The following DIP2B variants were observed in gnomAD, a reference collection of about 807,000 sequenced individuals.
The protein encoded by DIP2B is disco-interacting protein 2 homolog B.
In DIP2B, 76 loss-of-function variants were observed where a neutral mutation model predicts 198.0. That is an observed-to-expected ratio of 0.38 (90% CI 0.32 to 0.46). The LOEUF (loss-of-function observed/expected upper bound fraction) is 0.46, where lower values mean the gene tolerates loss of function less well. Ranked by LOEUF, DIP2B falls within the 20% of genes least tolerant of loss-of-function variation. The pLI is 0.99. For missense variants in DIP2B, 1,559 were observed against 1,978.4 expected (o/e 0.79, Z 4.02); for synonymous variants, 701 against 739.1 (o/e 0.95, Z 0.84).
At chr12:50,709,570 G>A (rs901255507) in intron 22 of DIP2B, among the ~76,000 whole-genome samples, 1 of 151,710 alleles carries the variant, frequency 6.6e-6, no homozygotes, top group East Asian at 1.9e-4. Flanking sequence ...CCCAGGAGGC[G>A]GAGCTTGCAG....
At chr12:50,596,112 G>T (rs1958876368) in intron 1 of DIP2B, among the ~76,000 whole-genome samples, 1 of 152,228 alleles carries the variant, frequency 6.6e-6, no homozygotes, top group South Asian at 2.1e-4. Flanking sequence ...CATGTAAGAA[G>T]AATTCAAGGT....
At chr12:50,709,220 T>A (rs1259267914) in intron 22 of DIP2B, among the ~76,000 whole-genome samples, 1 of 152,222 alleles carries the variant, frequency 6.6e-6, no homozygotes, top group Non-Finnish European at 1.5e-5. Context: ...AATTATCTGT[T>A]TTATAGAGCT....
intron 1 of DIP2B, among the ~76,000 whole-genome samples, chr12:50,586,055 G>C (rs1353161066): frequency 6.6e-6 from 1 of 152,200 alleles, no homozygotes; most frequent in Non-Finnish European, 1.5e-5. Flanking sequence ...ATGCGTCCTA[G>C]ATGTGGCCCA....
intron 1 of DIP2B, among the ~76,000 whole-genome samples, chr12:50,581,729 C>G (rs1330038302): frequency 2.0e-5 from 3 of 151,994 alleles, no homozygotes; most frequent in Non-Finnish European, 4.4e-5. Flanking sequence ...GATATCCACT[C>G]AACTCCTGCT....
intron 1 of DIP2B, among the ~76,000 whole-genome samples, chr12:50,551,094 G>GA (rs1231603853): frequency 2.7e-5 from 4 of 150,510 alleles, no homozygotes; most frequent in African/African-American, 4.9e-5. Flanking sequence ...CTGTCTTTAA[G>GA]AAAAAAAAGA....
intron 3 of DIP2B, among the ~76,000 whole-genome samples, chr12:50,654,022 C>T (rs552534851): frequency 6.4e-4 from 97 of 151,310 alleles, no homozygotes; most frequent in Non-Finnish European, 1.2e-3. Context: ...TACAGGTGCA[C>T]GCTACCACAC....
rs34854416 is a variant in DIP2B at position 50,566,971 on chromosome 12, CAAAAAAAAAA to C, written c.101-58993_101-58984del. ...TGGGTGACAGAGCGAGACTCCGTCT[CAAAAAAAAAA>C]AAAAAAAAAAAGAAAGAAAGAAATT... On this transcript the variant is annotated intron_variant, in intron 1 of 37. Coordinates refer to ENST00000301180, the MANE Select transcript of DIP2B (RefSeq NM_173602.3). Among the ~76,000 whole-genome samples the C allele has an allele frequency of 7.4e-4, 58 of 78,446 alleles. No homozygotes were observed. In the South Asian group the frequency reaches 0.014, roughly 19 times the overall value. 51.5% of individuals were successfully genotyped at this position (78,446 alleles called of 152,430 possible).
At chr12:50,743,145 C>A (rs982038319) in intron 37 of DIP2B, among the ~76,000 whole-genome samples, 1 of 152,024 alleles carries the variant, frequency 6.6e-6, no homozygotes, top group African/African-American at 2.4e-5. Context: ...TGCAGCGGTG[C>A]GATCCCGGCT....
At chr12:50,550,499 C>G (rs1012566399) in intron 1 of DIP2B, among the ~76,000 whole-genome samples, 7 of 152,150 alleles carry the variant, frequency 4.6e-5, no homozygotes, top group African/African-American at 7.2e-5. Context: ...TTTCCATGTT[C>G]TAGGGTCCTG....
At chr12:50,681,754 T>C (rs1464388775) in intron 9 of DIP2B, among the ~76,000 whole-genome samples, 2 of 152,192 alleles carry the variant, frequency 1.3e-5, no homozygotes, top group East Asian at 3.8e-4. Flanking sequence ...TAAAAATACT[T>C]TTGCATTGTG....
intron 1 of DIP2B, among the ~76,000 whole-genome samples, chr12:50,619,923 T>G (rs1937775785): frequency 2.0e-5 from 3 of 151,962 alleles, no homozygotes; most frequent in Admixed American, 1.3e-4. Flanking sequence ...TAGCTGGGTG[T>G]GATAGCACAC....
At chr12:50,737,259 A>T in intron 35 of DIP2B, 149 bp downstream of exon 35, 1 of 710,252 alleles carries the variant, frequency 1.4e-6, no homozygotes, top group Non-Finnish European at 2.3e-6. Flanking sequence ...ACTGAAATTG[A>T]CAGAAGAGGG....
Position 50,664,844 on chromosome 12 carries a change from T to G in DIP2B, c.427+4525T>G, listed in dbSNP as rs1278380804. On this transcript the variant is annotated intron_variant, in intron 4 of 37. Transcript: ENST00000301180. ...CTCCTTTTTTGGTTTTTGTTTTTTT[T>G]TTTTTTTTTTTTTTTTTTTTTTTTT... Among the ~76,000 whole-genome samples, 4 of 2,554 alleles carry G rather than the reference T, an allele frequency of 1.6e-3. 1 individual carries two copies. Among genetic ancestry groups the G allele is most frequent in the African/African-American group, 2.3e-3 (4 of 1,746 alleles). The allele number at this position is 2,554 out of a possible 152,430, so 1.7% of individuals were successfully genotyped here.
intron 1 of DIP2B, among the ~76,000 whole-genome samples, chr12:50,572,018 C>G (rs1404660185): frequency 6.6e-6 from 1 of 152,150 alleles, no homozygotes; most frequent in Non-Finnish European, 1.5e-5. Context: ...ATTGCCGAAG[C>G]CTTCTCTTTA....
rs1378695169 is a variant in DIP2B at position 50,747,778 on chromosome 12, G to A, written c.*2939G>A. 2 of 152,194 alleles carry A rather than the reference G, an allele frequency of 1.3e-5. No homozygotes were observed. Among genetic ancestry groups the A allele is most frequent in the Non-Finnish European group, 2.9e-5 (2 of 68,040 alleles). 9.4% of individuals were successfully genotyped at this position (152,194 alleles called of 1,614,324 possible). A position where few individuals can be genotyped will look rare whatever the true frequency, so the allele number is the denominator to read the frequency against. On this transcript the variant is annotated 3_prime_UTR_variant, in exon 38 of 38. Transcript: ENST00000301180. ...TGTCTCAGTTAAGAGAAATCTATTG[G>A]TCTGAAGGTTTCTGAACCTCTTTCT...
In DIP2B at chr12:50,704,013, T is replaced by G. The variant is rs1157147130; in HGVS notation, c.2326-127T>G. 17 of 677,760 alleles carry G rather than the reference T, an allele frequency of 2.5e-5. No individual in the cohort carries two copies. The East Asian group carries it at 5.4e-4, about 22-fold the overall frequency. The allele number at this position is 677,760 out of a possible 1,614,324, so 42.0% of individuals were successfully genotyped here. A position where few individuals can be genotyped will look rare whatever the true frequency, so the allele number is the denominator to read the frequency against. On this transcript the variant is annotated intron_variant, in intron 19 of 37. Coordinates refer to ENST00000301180, the MANE Select transcript of DIP2B (RefSeq NM_173602.3). ...TAATTATTTCTTATCTCTAAAGGGA[T>G]GGAATTACTGGATTCACTATTACAT...
rs1939119097 is a variant in DIP2B, at chr12:50,685,720, G to A, written c.1318-113G>A. ...TTTTGACAATTGCCAGATATTGGTG[G>A]GGCTCCATGAATGTTATCAAACAAA... On this transcript the variant is annotated intron_variant, in intron 10 of 37. Coordinates refer to ENST00000301180, the MANE Select transcript of DIP2B (RefSeq NM_173602.3). 6 of 1,202,246 alleles carry A rather than the reference G, an allele frequency of 5.0e-6. No individual in the cohort carries two copies. In the South Asian group the frequency reaches 9.8e-5, roughly 20 times the overall value. The allele number at this position is 1,202,246 out of a possible 1,614,324, so 74.5% of individuals were successfully genotyped here. A position where few individuals can be genotyped will look rare whatever the true frequency, so the allele number is the denominator to read the frequency against.
intron 1 of DIP2B, among the ~76,000 whole-genome samples, chr12:50,521,489 C>CTTTT (rs35971707): frequency 0.013 from 1,282 of 98,140 alleles, 1 homozygote; most frequent in Non-Finnish European, 0.016. Flanking sequence ...AGGTTTCTTT[C>CTTTT]TTTTTTTTTT....
At chr12:50,693,135 A>G in intron 14 of DIP2B, 122 bp downstream of exon 14, 1 of 950,836 alleles carries the variant, frequency 1.1e-6, no homozygotes, top group Non-Finnish European at 1.6e-6. Context: ...GGTCAGTAAT[A>G]TTTTCCAGAG....
Sources: gnomAD v4.1 joint callset for allele counts (sites outside exome capture counted in the v4.1 genomes callset) on GRCh38, gnomAD v4.1.1 for gene constraint, MANE v1.5 for transcripts, NCBI Gene and HGNC (gene_info 2026-07-23, HGNC 2026-07-21) for gene names.